FAT3: variants seen among roughly 807,000 people sequenced by gnomAD.
The protein encoded by FAT3 is protocadherin Fat 3.
FAT3 carries 95 observed loss-of-function variants against 310.2 expected under a neutral mutation model. That is an observed-to-expected ratio of 0.31 (90% confidence interval 0.26 to 0.36). FAT3 has a LOEUF of 0.36. Ranked by LOEUF, FAT3 falls within the 10% of genes least tolerant of loss-of-function variation. The pLI, the probability that FAT3 is intolerant of heterozygous loss-of-function variation, is 1.00. For missense variants in FAT3, 5,408 were observed against 5,715.6 expected, an observed-to-expected ratio of 0.95 and a Z score of 1.74; for synonymous variants, 2,314 against 2,192.9, an observed-to-expected ratio of 1.06 and a Z score of -1.54.
At chr11:92,436,581 G>A (rs144542767) in intron 2 of FAT3, among the ~76,000 whole-genome samples, 104 of 152,206 alleles carry the variant, frequency 6.8e-4, no homozygotes, top group African/African-American at 2.2e-3. Context: ...GGTCCATAGC[G>A]CCAGTACCTA....
chr11:92,823,100 G>A (rs760080212), intron 13 of FAT3, among the ~76,000 whole-genome samples: 2 of 152,128 alleles, frequency 1.3e-5, no homozygotes, highest in Non-Finnish European at 2.9e-5. Context: ...GCACATAAGT[G>A]GTGGGAGCCA....
chr11:92,476,506 A>C (rs1952056167), intron 2 of FAT3, among the ~76,000 whole-genome samples: 1 of 152,196 alleles, frequency 6.6e-6, no homozygotes, highest in South Asian at 2.1e-4. Flanking sequence ...GTACACATAC[A>C]CATGCAGAAA....
At chr11:92,445,253 C>G (rs1367844485) in intron 2 of FAT3, among the ~76,000 whole-genome samples, 1 of 152,128 alleles carries the variant, frequency 6.6e-6, no homozygotes, top group African/African-American at 2.4e-5. Flanking sequence ...GCTCTCAAGC[C>G]CAGCTGTGTT....
At chr11:92,291,594 G>A (rs1946698025) in intron 1 of FAT3, among the ~76,000 whole-genome samples, 1 of 150,610 alleles carries the variant, frequency 6.6e-6, no homozygotes, top group Non-Finnish European at 1.5e-5. Context: ...GACGAAGAGA[G>A]TTGGTCTAAA....
chr11:92,553,830 A>T (rs76615709), intron 3 of FAT3, among the ~76,000 whole-genome samples: 22,569 of 147,550 alleles, frequency 0.15, 1,873 homozygotes, highest in East Asian at 0.29. Context: ...TTTGAGACAG[A>T]GTATCACTCT....
At chr11:92,429,899 T>C (rs1011330178) in intron 2 of FAT3, among the ~76,000 whole-genome samples, 1 of 152,174 alleles carries the variant, frequency 6.6e-6, no homozygotes, top group Non-Finnish European at 1.5e-5. Context: ...GTTCTCTCTA[T>C]TTCCTGAATT....
In FAT3 at chr11:92,299,656, T is replaced by C. The variant is rs906309867; in HGVS notation, c.-17-52440T>C. Among the ~76,000 whole-genome samples the C allele has an allele frequency of 3.9e-5, 6 of 152,088 alleles. 1 individual carries two copies. Among genetic ancestry groups the C allele is most frequent in the African/African-American group, 1.2e-4 (5 of 41,434 alleles). On this transcript the variant is annotated intron_variant, in intron 1 of 27. Coordinates refer to ENST00000525166, the MANE Select transcript of FAT3 (RefSeq NM_001367949.2). Reference sequence around the variant, plus strand: ...GACAATCACAGCAGGAAACCTTTAGTAGAAGTGATTATCAAGCTTTTACAA... The same window carrying C: ...GACAATCACAGCAGGAAACCTTTAGCAGAAGTGATTATCAAGCTTTTACAA...
At chr11:92,531,799 A>G (rs535829342) in intron 3 of FAT3, among the ~76,000 whole-genome samples, 2 of 152,002 alleles carry the variant, frequency 1.3e-5, no homozygotes, top group East Asian at 3.9e-4. Context: ...TGTAAGTACC[A>G]ACTTCAGAGT....
intron 1 of FAT3, among the ~76,000 whole-genome samples, chr11:92,260,326 T>C (rs909849150): frequency 6.6e-6 from 1 of 152,082 alleles, no homozygotes; most frequent in African/African-American, 2.4e-5. Flanking sequence ...TCAGGAGTTA[T>C]ATTAAAAAAT....
At chr11:92,456,603 G>C (rs907022541) in intron 2 of FAT3, among the ~76,000 whole-genome samples, 2 of 152,100 alleles carry the variant, frequency 1.3e-5, no homozygotes, top group Non-Finnish European at 2.9e-5. Context: ...ACATTTCTCA[G>C]AGATAACAAT....
chr11:92,446,047 TG>T (rs1206101834), intron 2 of FAT3, among the ~76,000 whole-genome samples: 1 of 152,206 alleles, frequency 6.6e-6, no homozygotes, highest in African/African-American at 2.4e-5. Context: ...TCAGCCTCCA[TG>T]GGGAATTTAT....
At chr11:92,525,143 G>C (rs183417946) in intron 3 of FAT3, among the ~76,000 whole-genome samples, 195 bp downstream of exon 3, 2 of 152,250 alleles carry the variant, frequency 1.3e-5, no homozygotes, top group Admixed American at 1.3e-4. Flanking sequence ...GAGTGGGAGT[G>C]ATCTAATCAA....
chr11:92,331,287 C>CTT (rs533844533), intron 1 of FAT3, among the ~76,000 whole-genome samples: 3 of 139,230 alleles, frequency 2.2e-5, no homozygotes, highest in Non-Finnish European at 1.6e-5. Flanking sequence ...TTTATTTCTT[C>CTT]TTTTTTTTTT....
chr11:92,658,805 T>C (rs1942670924), intron 3 of FAT3, among the ~76,000 whole-genome samples: 1 of 152,136 alleles, frequency 6.6e-6, no homozygotes, highest in Non-Finnish European at 1.5e-5. Context: ...AGACAGCTGG[T>C]TCAGCATGCC....
chr11:92,867,350 A>G, intron 22 of FAT3, 141 bp downstream of exon 22: 1 of 913,018 alleles, frequency 1.1e-6, no homozygotes, highest in South Asian at 1.8e-5. Context: ...AACCTTCTTA[A>G]TCTGCTTTAG....
At chr11:92,705,543 GTGATGGTGGTGGT>G in intron 4 of FAT3, among the ~76,000 whole-genome samples, 1 of 42,792 alleles carries the variant, frequency 2.3e-5, no homozygotes, top group African/African-American at 8.6e-5. Context: ...GTGTGATGGT[GTGATGGTGGTGGT>G]GTGATGGTGG....
chr11:92,564,684 A>C (rs1955364480), intron 3 of FAT3, among the ~76,000 whole-genome samples: 1 of 152,190 alleles, frequency 6.6e-6, no homozygotes, highest in Non-Finnish European at 1.5e-5. Context: ...ATAACAAACT[A>C]TCTCTCAGAC....
intron 1 of FAT3, among the ~76,000 whole-genome samples, chr11:92,303,917 A>G (rs1947058740): frequency 6.6e-6 from 1 of 152,162 alleles, no homozygotes; most frequent in Non-Finnish European, 1.5e-5. Context: ...TAATAAGTGC[A>G]GAACCTTTTT....
chr11:92,335,308 A>G (rs926261161), intron 1 of FAT3, among the ~76,000 whole-genome samples: 1 of 152,056 alleles, frequency 6.6e-6, no homozygotes, highest in Non-Finnish European at 1.5e-5. Flanking sequence ...TTCAAATTGA[A>G]GGTTTCACTC....
Sources: allele counts gnomAD v4.1 joint callset (sites outside exome capture counted in the v4.1 genomes callset), GRCh38; gene constraint gnomAD v4.1.1; transcripts MANE v1.5; gene names NCBI Gene and HGNC (gene_info 2026-07-23, HGNC 2026-07-21).